The following EVC2 variants were observed in gnomAD, a reference collection of about 807,000 sequenced individuals.
EVC2 encodes the protein EvC ciliary complex subunit 2, also known as limbin.
Under a neutral mutation model 149.3 loss-of-function variants are expected in EVC2, and 148 were observed. The ratio of observed to expected loss-of-function variants is 0.99; its 90% CI spans 0.87 to 1.14. The LOEUF (loss-of-function observed/expected upper bound fraction) is 1.14. Among genes scored for constraint, EVC2 ranks in the 50% most tolerant of loss-of-function variants. The pLI is 0.00. For missense variants in EVC2, 1,854 were observed against 1,627.3 expected, an observed-to-expected ratio of 1.14 and a Z score of -2.40; for synonymous variants, 776 against 649.9, an observed-to-expected ratio of 1.19 and a Z score of -2.95.
At chr4:5,555,670 A>G (rs1001961878) in intron 21 of EVC2, among the ~76,000 whole-genome samples, 1 of 152,204 alleles carries the variant, frequency 6.6e-6, no homozygotes, top group Admixed American at 6.5e-5. Flanking sequence ...TGCAAATTCA[A>G]TATAAACAAA....
chr4:5,647,575 AGT>A (rs1456790050), intron 9 of EVC2, among the ~76,000 whole-genome samples: 1 of 152,228 alleles, frequency 6.6e-6, no homozygotes, highest in Non-Finnish European at 1.5e-5. Context: ...GCCTCAAAGC[AGT>A]GTGTGTATGG....
rs1007745624 is a variant in EVC2, at chr4:5,614,772, G to C, written c.2829+650C>G. ...GTGGGCGGATCACCTGAAGTCAGGA[G>C]TTTGAGACCAATCTGGCCAACATGG... On this transcript the variant is annotated intron_variant, in intron 16 of 21. Coordinates refer to ENST00000344408, the MANE Select transcript of EVC2 (RefSeq NM_147127.5). This position sits in a 1 kb window ranked among gnomAD's most constrained non-coding sequence, Gnocchi z 4.7. Among the ~76,000 whole-genome samples, 3 of 152,166 alleles carry C rather than the reference G, an allele frequency of 2.0e-5. No individual in the cohort carries two copies. The highest frequency in any genetic ancestry group is 1.3e-4 in the Admixed American group (2 of 15,282).
At position 5,589,964 on chromosome 4, in the gene EVC2, T is replaced by C. The variant is rs867644247; in HGVS notation, c.2830-5114A>G. Among the ~76,000 whole-genome samples the C allele has an allele frequency of 7.2e-5, 11 of 152,190 alleles. No homozygotes were observed. In the East Asian group the frequency reaches 1.9e-3, roughly 27 times the overall value. On this transcript the variant is annotated intron_variant, in intron 16 of 21. Transcript: ENST00000344408. ...TAAGGGAGGTCTGTATATGGTGCTA[T>C]GTGGTTTAGAGAAAAGAGAAGGTGG...
At chr4:5,703,465 T>C (rs2151745153) in intron 1 of EVC2, among the ~76,000 whole-genome samples, 1 of 152,238 alleles carries the variant, frequency 6.6e-6, no homozygotes. Context: ...CCAATAAATA[T>C]TTATAAGTTG....
chr4:5,626,622 C>T (rs1716137223), intron 12 of EVC2, among the ~76,000 whole-genome samples: 1 of 152,136 alleles, frequency 6.6e-6, no homozygotes, highest in South Asian at 2.1e-4. Context: ...GCGTGAGCTA[C>T]TGCGCCTGGC....
intron 2 of EVC2, among the ~76,000 whole-genome samples, chr4:5,697,249 C>G (rs1721533755): frequency 6.6e-6 from 1 of 152,174 alleles, no homozygotes; most frequent in Admixed American, 6.5e-5. Flanking sequence ...AGAGAATAAA[C>G]GTGTGTGGTC....
intron 1 of EVC2, 93 bp from the exon 2 acceptor site, chr4:5,697,740 C>A: frequency 2.6e-5 from 28 of 1,076,622 alleles, no homozygotes; most frequent in Non-Finnish European, 3.3e-5. Flanking sequence ...ATGGAGAGGA[C>A]ATGCACTTTT....
intron 17 of EVC2, among the ~76,000 whole-genome samples, chr4:5,581,042 T>A (rs1711720158): frequency 6.6e-6 from 1 of 152,206 alleles, no homozygotes; most frequent in Non-Finnish European, 1.5e-5. Context: ...CTGCCATAAT[T>A]GTAAGTTTCC....
chr4:5,597,914 T>C (rs922071704), intron 16 of EVC2, among the ~76,000 whole-genome samples: 3 of 112,776 alleles, frequency 2.7e-5, no homozygotes, highest in East Asian at 4.1e-4. Flanking sequence ...AGCATTCTTA[T>C]ACACCAACAA....
Position 5,631,874 on chromosome 4 carries a change from G to A in EVC2, c.1629C>T (p.Thr543=), listed in dbSNP as rs147651838. Residue 543 remains threonine (T), a synonymous_variant, in exon 11 of 22, where the codon ACC becomes ACT. Coordinates refer to ENST00000344408, the MANE Select transcript of EVC2 (RefSeq NM_147127.5). ...CTTTGAAAATAGCACTTTTTATCTG[G>A]GTAAAAAAGATACTGTGCAGTTCAT... ...QRNELHSIFF[T]QIKSAIFKGE... is the part of the protein sequence containing the mutation. 1.2e-6 allele frequency: 2 copies of A among 1,614,048 alleles called. No homozygotes were observed. Among genetic ancestry groups the A allele is most frequent in the African/African-American group, 2.7e-5 (2 of 74,918 alleles).
chr4:5,587,528 AAGTACCCATGT>A (rs1425510619), intron 16 of EVC2, among the ~76,000 whole-genome samples: 1 of 152,246 alleles, frequency 6.6e-6, no homozygotes. Context: ...AATCTAACGT[AAGTACCCATGT>A]AGTTACCATT....
At position 5,576,508 on chromosome 4, in the gene EVC2, GA is replaced by G; in HGVS notation, c.3058-55del. The G allele has an allele frequency of 6.5e-7, 1 of 1,540,888 alleles. No homozygotes were observed. The highest frequency in any genetic ancestry group is 8.7e-7 in the Non-Finnish European group (1 of 1,148,028). On this transcript the variant is annotated intron_variant, in intron 17 of 21. Transcript: ENST00000344408. This position sits in a 1 kb window ranked among gnomAD's most constrained non-coding sequence, Gnocchi z 4.5. ...ACCACTGCACAAGGCGGGTGGGGTG[GA>G]GGACAAAATCTGACCTCCTGGGTGT... is the stretch of plus-strand genomic sequence containing the variant.
rs965425013 is a variant in EVC2 at position 5,708,278 on chromosome 4, C to T, written c.228+8G>A. Reference sequence around the variant, plus strand: ...TCAGACCGGAGCCTGGGGTCGGGCCCTCCTTACCTGCGTGCTGCTCTCGGG... The same window carrying T: ...TCAGACCGGAGCCTGGGGTCGGGCCTTCCTTACCTGCGTGCTGCTCTCGGG... On this transcript the variant is annotated splice_region_variant and intron_variant, in intron 1 of 21. Coordinates refer to ENST00000344408, the MANE Select transcript of EVC2 (RefSeq NM_147127.5). 13 of 1,480,304 alleles carry T rather than the reference C, an allele frequency of 8.8e-6. No individual in the cohort carries two copies. The highest frequency in any genetic ancestry group is 2.3e-5 in the Admixed American group (1 of 43,544). 91.7% of individuals were successfully genotyped at this position (1,480,304 alleles called of 1,614,324 possible).
intron 7 of EVC2, among the ~76,000 whole-genome samples, chr4:5,672,281 G>A (rs1366421608): frequency 1.3e-5 from 2 of 152,228 alleles, no homozygotes; most frequent in Non-Finnish European, 2.9e-5. Context: ...CCTGAAGCCG[G>A]CAAGAGAAGC....
At chr4:5,664,080 C>T (rs925936231) in intron 8 of EVC2, among the ~76,000 whole-genome samples, 1 of 152,164 alleles carries the variant, frequency 6.6e-6, no homozygotes, top group African/African-American at 2.4e-5. Context: ...TTTAACAATT[C>T]TTGTCCCTGT....
chr4:5,580,854 G>C (rs1436483643), intron 17 of EVC2, among the ~76,000 whole-genome samples: 1 of 152,244 alleles, frequency 6.6e-6, no homozygotes, highest in Admixed American at 6.5e-5. Context: ...GCTGGAAGGT[G>C]ACTGGATCAT....
At chr4:5,530,136 T>G in the EVC2 span, among the ~76,000 whole-genome samples, 1 of 152,298 alleles carries the variant, frequency 6.6e-6, no homozygotes, top group East Asian at 1.9e-4. Context: ...CTAAGGTCCA[T>G]CAGTCGACAT....
In EVC2 at chr4:5,677,059, C is replaced by T. The variant is rs1031184720; in HGVS notation, c.870+4201G>A. ...CAGCATCACAGAACACTTGGCACAG[C>T]TGTGCTGTTCTCATGTGTAAATAAT... On this transcript the variant is annotated intron_variant, in intron 7 of 21. Transcript: ENST00000344408. This position sits in a 1 kb window ranked among gnomAD's most constrained non-coding sequence, Gnocchi z 4.3. Among the ~76,000 whole-genome samples, 1 of 152,176 alleles carries T rather than the reference C, an allele frequency of 6.6e-6. No homozygotes were observed. Among genetic ancestry groups the T allele is most frequent in the African/African-American group, 2.4e-5 (1 of 41,446 alleles).
At chr4:5,687,864 T>C (rs913639644) in intron 5 of EVC2, among the ~76,000 whole-genome samples, 1 of 152,074 alleles carries the variant, frequency 6.6e-6, no homozygotes, top group African/African-American at 2.4e-5. Flanking sequence ...CTGGGTGACA[T>C]TGTCTCCTTG....
Sources: allele counts gnomAD v4.1 joint callset (sites outside exome capture counted in the v4.1 genomes callset), GRCh38; gene constraint gnomAD v4.1.1; non-coding constraint Gnocchi (gnomAD v3.1); transcripts MANE v1.5; gene names NCBI Gene and HGNC (gene_info 2026-07-23, HGNC 2026-07-21).